Variants in ENPP2 observed in about 807,000 individuals in gnomAD.
ENPP2 encodes autotaxin.
Under a neutral mutation model 120.2 loss-of-function variants are expected in ENPP2, and 51 were observed. The ratio of observed to expected loss-of-function variants is 0.42; its 90% CI spans 0.34 to 0.54. The LOEUF is 0.54. ENPP2 is among the 20% of genes least tolerant of loss of function. ENPP2 has a pLI of 0.04. For missense variants in ENPP2, 920 were observed against 1,066.5 expected (o/e 0.86, Z 1.91); for synonymous variants, 365 against 366.4 (o/e 1.00, Z 0.04).
chr8:119,583,061 G>A (rs567254657), intron 17 of ENPP2, among the ~76,000 whole-genome samples: 34 of 152,284 alleles, frequency 2.2e-4, no homozygotes, highest in African/African-American at 7.2e-4. Flanking sequence ...GACATGAGGA[G>A]GCTTTGGCCC....
At chr8:119,571,299 T>C (rs1392875029) in intron 19 of ENPP2, 1 of 152,380 alleles carries the variant, frequency 6.6e-6, no homozygotes, top group Non-Finnish European at 1.5e-5. Context: ...CAAATATGCA[T>C]TCCTTCAGCA....
intron 1 of ENPP2, among the ~76,000 whole-genome samples, chr8:119,670,966 G>T (rs1212525577): frequency 2.0e-5 from 3 of 151,976 alleles, no homozygotes; most frequent in Admixed American, 2.0e-4. Flanking sequence ...AAAATGAACT[G>T]CATGATCATA....
At chr8:119,602,587 C>T in intron 9 of ENPP2, among the ~76,000 whole-genome samples, 1 of 152,074 alleles carries the variant, frequency 6.6e-6, no homozygotes, top group Non-Finnish European at 1.5e-5. Flanking sequence ...CTAAGTCTGG[C>T]ACTAGCTTTA....
At position 119,557,651 on chromosome 8, in the gene ENPP2, T is replaced by C. The variant is rs1419506312; in HGVS notation, c.2462A>G (p.Lys821Arg). 6.3e-7 allele frequency: 1 copy of C among 1,597,196 alleles called. No homozygotes were observed. Among genetic ancestry groups the C allele is most frequent in the South Asian group, 1.1e-5 (1 of 87,750 alleles). ...DESKWVEELM[K>R]MHTARVRDIE... ...GTCACGCACCCTAGCTGTGTGCATC[T>C]TCATGAGTTCTTCTACCCATTTTGA... The change falls in exon 25 of 25, where the codon AAG (lysine) becomes AGG (arginine). Residue 821 changes from lysine (K) to arginine (R), a missense_variant. Lys to Arg is a conservative substitution (Grantham distance 26). Transcript: ENST00000075322.
upstream of ENPP2, among the ~76,000 whole-genome samples, chr8:119,642,915 G>T (rs1403119973): frequency 6.6e-6 from 1 of 152,150 alleles, no homozygotes; most frequent in Non-Finnish European, 1.5e-5. Context: ...TGTCGTTCTT[G>T]CTTCCTGAAG....
At chr8:119,658,743 C>T (rs563574595) in intron 1 of ENPP2, among the ~76,000 whole-genome samples, 1 of 152,142 alleles carries the variant, frequency 6.6e-6, no homozygotes. Flanking sequence ...GGACTATAAG[C>T]CCCACCAGTG....
intron 8 of ENPP2, among the ~76,000 whole-genome samples, chr8:119,608,991 G>C (rs543419292): frequency 4.9e-4 from 74 of 152,188 alleles, no homozygotes; most frequent in Non-Finnish European, 9.3e-4. Flanking sequence ...TAAAGAAAGA[G>C]AATGGAAGCA....
At position 119,586,281 on chromosome 8, in the gene ENPP2, G is replaced by A; in HGVS notation, c.1272C>T (p.Tyr424=). The change falls in exon 15 of 25, where the codon TAC becomes TAT. Residue 424 remains tyrosine, a synonymous_variant. Transcript: ENST00000075322. ...CKKPDQHFKP[Y]LKQHLPKRLH... ...AACGTTTGGGAAGGTGCTGTTTCAA[G>A]TAAGGCTTAAAGTGCTGATCTGGTT... is the stretch of plus-strand genomic sequence containing the variant. 2.5e-6 allele frequency: 4 copies of A among 1,613,924 alleles called. No individual in the cohort carries two copies. In the Middle Eastern group the frequency reaches 4.9e-4, roughly 200 times the overall value.
At chr8:119,606,762 T>C (rs1444518049) in intron 9 of ENPP2, among the ~76,000 whole-genome samples, 1 of 152,086 alleles carries the variant, frequency 6.6e-6, no homozygotes, top group Non-Finnish European at 1.5e-5. Context: ...TGGATTAATT[T>C]GAGCCTGCAG....
intron 13 of ENPP2, among the ~76,000 whole-genome samples, chr8:119,589,430 C>T (rs577880902): frequency 4.7e-4 from 71 of 152,062 alleles, no homozygotes; most frequent in African/African-American, 1.6e-3. Flanking sequence ...TTTTTTTCTC[C>T]TCCAAACCAA....
At chr8:119,580,776 A>T (rs980855233) in intron 18 of ENPP2, 1 of 152,572 alleles carries the variant, frequency 6.6e-6, no homozygotes, top group African/African-American at 2.4e-5. Flanking sequence ...ATTAAATATT[A>T]ACTACTGTAT....
intron 11 of ENPP2, among the ~76,000 whole-genome samples, chr8:119,594,957 C>T (rs537632670): frequency 4.6e-5 from 7 of 152,152 alleles, no homozygotes; most frequent in Admixed American, 6.5e-5. Flanking sequence ...TTCTTCATGA[C>T]GGGAGTCAGT....
chr8:119,640,834 C>T (rs376288823), upstream of ENPP2, among the ~76,000 whole-genome samples: 1 of 151,118 alleles, frequency 6.6e-6, no homozygotes, highest in African/African-American at 2.5e-5. Flanking sequence ...CTGCAGCCTC[C>T]ACCTCCCGGG....
At position 119,638,511 on chromosome 8, in the gene ENPP2, G is replaced by A. The variant is rs573911286; in HGVS notation, c.50C>T (p.Thr17Ile). 1 of 1,594,136 alleles carries A rather than the reference G, an allele frequency of 6.3e-7. No individual in the cohort carries two copies. The highest frequency in any genetic ancestry group is 1.7e-5 in the Admixed American group (1 of 60,004). ...FQSCQIISLF[T>I]FAVGVNICLG... is the part of the protein sequence containing the mutation. ...GCAGATATTGACTCCAACGGCAAAA[G>A]TGAACAGGGATATTATCTAAGAGAA... The change falls in exon 2 of 25, where the codon ACT (threonine) becomes ATT (isoleucine). Residue 17 changes from threonine (T) to isoleucine (I), a missense_variant. Physicochemically the swap from Thr to Ile is moderately conservative, Grantham distance 89. Transcript: ENST00000075322.
In ENPP2 at chr8:119,644,647, CAT is replaced by C. The variant is rs1205689473; in HGVS notation, c.22-6122_22-6121del. Among the ~76,000 whole-genome samples the C allele has an allele frequency of 2.0e-3, 213 of 105,272 alleles. 2 individuals are homozygous for C. The highest frequency in any genetic ancestry group is 2.5e-3 in the Non-Finnish European group (131 of 51,662). 69.1% of individuals were successfully genotyped at this position (105,272 alleles called of 152,430 possible). A position where few individuals can be genotyped will look rare whatever the true frequency, so the allele number is the denominator to read the frequency against. On this transcript the variant is annotated intron_variant, in intron 1 of 25. Coordinates refer to the ENPP2 transcript ENST00000427067. The stretch of plus-strand genomic sequence containing the variant: ...ATATACACACACACACACACACACA[CAT>C]ATAGATATATATATATATATACACA...
chr8:119,670,617 G>A (rs974675088), intron 1 of ENPP2, among the ~76,000 whole-genome samples: 4 of 152,224 alleles, frequency 2.6e-5, no homozygotes, highest in African/African-American at 9.6e-5. Context: ...GGGGGAACAA[G>A]AGAGGGCCAC....
In ENPP2 at chr8:119,586,216, A is replaced by C. The variant is rs773057462; in HGVS notation, c.1337T>G (p.Leu446Ter). The C allele has an allele frequency of 6.2e-7, 1 of 1,614,054 alleles. No individual in the cohort carries two copies. ...AACATGCCATCTGCGTTCCACCAAT[A>C]AATGGATATCCTCAATTCTTCTGTT... is the stretch of plus-strand genomic sequence containing the variant. ...ANNRRIEDIH[L>*]LVERRWHVAR... is the part of the protein sequence containing the mutation. The change falls in exon 15 of 25, where the codon TTA becomes TGA. Residue 446 changes from leucine to a stop codon, truncating the protein, a stop_gained. Transcript: ENST00000075322. LOFTEE classifies it high-confidence loss of function.
At chr8:119,612,367 T>A (rs754546340) in intron 8 of ENPP2, among the ~76,000 whole-genome samples, 42 of 152,150 alleles carry the variant, frequency 2.8e-4, no homozygotes, top group Admixed American at 6.6e-4. Flanking sequence ...ATAAAACAGA[T>A]AAAAAGAGGT....
intron 24 of ENPP2, 77 bp downstream of exon 24, chr8:119,562,780 C>T: frequency 7.4e-7 from 1 of 1,357,330 alleles, no homozygotes; most frequent in Non-Finnish European, 1.0e-6. Flanking sequence ...TGTTCTAGTT[C>T]AATGATGGAA....
Sources: allele counts gnomAD v4.1 joint callset (sites outside exome capture counted in the v4.1 genomes callset), GRCh38; gene constraint gnomAD v4.1.1; transcripts MANE v1.5; gene names NCBI Gene and HGNC (gene_info 2026-07-23, HGNC 2026-07-21).